ADCY5: variants seen among roughly 807,000 people sequenced by gnomAD.
The protein encoded by ADCY5 is adenylate cyclase 5, also known as adenylate cyclase type 5.
ADCY5 carries 30 observed loss-of-function variants against 119.7 expected under a neutral mutation model. That is an observed-to-expected ratio of 0.25 (90% confidence interval 0.19 to 0.34). The LOEUF (loss-of-function observed/expected upper bound fraction) is 0.34, where lower values mean the gene tolerates loss of function less well. Ranked by LOEUF, ADCY5 falls within the 10% of genes least tolerant of loss-of-function variation. The pLI, the probability that ADCY5 is intolerant of heterozygous loss-of-function variation, is 1.00. For synonymous variants in ADCY5, 753 were observed against 762.2 expected (o/e 0.99, Z 0.20); for missense variants, 1,324 against 1,775.2 (o/e 0.75, Z 4.57).
chr3:123,332,763 CT>C (rs894886812), intron 3 of ADCY5, 88 bp from the exon 4 acceptor site: 295 of 919,414 alleles, frequency 3.2e-4, no homozygotes, highest in Non-Finnish European at 3.8e-4. Context: ...TTTTTCTTTT[CT>C]TTTTTTTTAA....
chr3:123,384,260 C>T (rs1944139227), intron 1 of ADCY5, among the ~76,000 whole-genome samples: 1 of 152,212 alleles, frequency 6.6e-6, no homozygotes, highest in Admixed American at 6.5e-5. Flanking sequence ...CCTGCTGTCC[C>T]CTCTGACAAC....
At chr3:123,291,013 G>A (rs1451189069) in intron 18 of ADCY5, 100 bp downstream of exon 18, 15 of 1,436,230 alleles carry the variant, frequency 1.0e-5, no homozygotes, top group East Asian at 2.5e-5. Flanking sequence ...CTTATGTCAC[G>A]ATGGTAGAAG....
At chr3:123,375,317 T>C (rs1943787016) in intron 1 of ADCY5, among the ~76,000 whole-genome samples, 1 of 152,254 alleles carries the variant, frequency 6.6e-6, no homozygotes. Flanking sequence ...ACTCTCATTT[T>C]TCCTCAGTGG....
At chr3:123,401,763 G>C (rs1036057182) in intron 1 of ADCY5, among the ~76,000 whole-genome samples, 4 of 152,138 alleles carry the variant, frequency 2.6e-5, no homozygotes, top group Non-Finnish European at 5.9e-5. Context: ...TGAGACCTCT[G>C]CTCAGAGGTA....
chr3:123,371,904 G>A (rs553293264), intron 1 of ADCY5, among the ~76,000 whole-genome samples: 2 of 152,338 alleles, frequency 1.3e-5, no homozygotes, highest in South Asian at 4.1e-4. Context: ...GCAGGGGAGA[G>A]GGGAGTGAGG....
chr3:123,323,589 C>G (rs1941332710), intron 8 of ADCY5, among the ~76,000 whole-genome samples: 1 of 152,014 alleles, frequency 6.6e-6, no homozygotes, highest in Non-Finnish European at 1.5e-5. Flanking sequence ...TCAATGCCTC[C>G]TCTCTCTCGG....
At chr3:123,311,672 G>T (rs1940590631) in intron 12 of ADCY5, among the ~76,000 whole-genome samples, 1 of 152,178 alleles carries the variant, frequency 6.6e-6, no homozygotes, top group African/African-American at 2.4e-5. Flanking sequence ...CTATTCAATG[G>T]ATGGACCACC....
At chr3:123,392,512 G>T (rs1944426318) in intron 1 of ADCY5, among the ~76,000 whole-genome samples, 1 of 152,220 alleles carries the variant, frequency 6.6e-6, no homozygotes, top group Non-Finnish European at 1.5e-5. Flanking sequence ...GAGGCACAGA[G>T]ACCATCCCCA....
chr3:123,422,360 T>C (rs922022988), intron 1 of ADCY5, among the ~76,000 whole-genome samples: 11 of 152,192 alleles, frequency 7.2e-5, no homozygotes, highest in Admixed American at 5.9e-4. Context: ...GGAAGTCCCA[T>C]GGGCAGGGTG....
chr3:123,438,487 C>T (rs1245152906), intron 1 of ADCY5, among the ~76,000 whole-genome samples: 1 of 152,114 alleles, frequency 6.6e-6, no homozygotes, highest in South Asian at 2.1e-4. Context: ...TTAAACCGTG[C>T]ACCATTCTGA....
At chr3:123,338,676 T>C (rs916359160) in intron 3 of ADCY5, among the ~76,000 whole-genome samples, 3 of 152,224 alleles carry the variant, frequency 2.0e-5, no homozygotes, top group African/African-American at 7.2e-5. Flanking sequence ...GCTTCCCTAA[T>C]TGCCTGCCAT....
chr3:123,386,030 G>A (rs749259533), intron 1 of ADCY5, among the ~76,000 whole-genome samples: 2 of 152,154 alleles, frequency 1.3e-5, no homozygotes, highest in South Asian at 2.1e-4. Context: ...CCACAGGACC[G>A]TCAAAGAGGC....
chr3:123,445,342 C>A (rs928949109), intron 1 of ADCY5, among the ~76,000 whole-genome samples: 14 of 150,188 alleles, frequency 9.3e-5, no homozygotes, highest in African/African-American at 2.7e-4. Context: ...AATTGGGGCC[C>A]CCCCCAAGGC....
chr3:123,339,702 C>A (rs1358292924), intron 3 of ADCY5, among the ~76,000 whole-genome samples: 3 of 152,198 alleles, frequency 2.0e-5, no homozygotes, highest in African/African-American at 7.2e-5. Flanking sequence ...TAAGGGCCTC[C>A]TGCAGGCCCC....
chr3:123,325,436 C>T lies in ADCY5; in HGVS notation c.1974G>A (p.Lys658=), dbSNP rs770210708. ...KRKEEKAMIA[K]MNRQRTNSIG... is the part of the protein sequence containing the mutation. The stretch of plus-strand genomic sequence containing the variant: ...TGGAGTTGGTTCTCTGGCGGTTCAT[C>T]TTGGCGATCATGGCCTTCTCTTCTT... The change falls in exon 8 of 21, where the codon AAG becomes AAA. Residue 658 remains lysine, a synonymous_variant. Coordinates refer to ENST00000462833, the MANE Select transcript of ADCY5 (RefSeq NM_183357.3). 1.2e-6 allele frequency: 2 copies of T among 1,614,058 alleles called. No homozygotes were observed. Among genetic ancestry groups the T allele is most frequent in the East Asian group, 2.2e-5 (1 of 44,878 alleles).
At chr3:123,367,311 G>A (rs891022110) in intron 1 of ADCY5, among the ~76,000 whole-genome samples, 8 of 152,160 alleles carry the variant, frequency 5.3e-5, no homozygotes, top group African/African-American at 1.4e-4. Flanking sequence ...CTGGCATGGC[G>A]GGAGTACCTT....
At position 123,347,809 on chromosome 3, in the gene ADCY5, A is replaced by G; in HGVS notation, c.1379T>C (p.Ile460Thr). The G allele has an allele frequency of 6.2e-7, 1 of 1,613,880 alleles. No homozygotes were observed. The highest frequency in any genetic ancestry group is 1.1e-5 in the South Asian group (1 of 91,052). Residue 460 changes from isoleucine to threonine, a missense_variant, in exon 3 of 21, where the codon ATT (isoleucine) becomes ACT (threonine). Physicochemically the swap from Ile to Thr is moderately conservative, Grantham distance 89 (BLOSUM62 -1). Around this residue, in one of 6 missense-constraint regions of ADCY5, gnomAD observed 123 missense variants for 287.9 expected, o/e 0.43. Coordinates refer to ENST00000462833, the MANE Select transcript of ADCY5 (RefSeq NM_183357.3). ...CACGTTGTCATGTTTCTGGATGTAA[A>G]TCTTATGGAACATCATATCCTCCTG... ...AKQEDMMFHK[I>T]YIQKHDNVSI...
In ADCY5 at chr3:123,293,748, A is replaced by G. The variant is rs9857506; in HGVS notation, c.3063+2336T>C. 3.3e-3 allele frequency among the ~76,000 whole-genome samples: 504 copies of G among 152,320 alleles called. 7 individuals carry two copies. Among genetic ancestry groups the G allele is most frequent in the African/African-American group, 0.011 (451 of 41,576 alleles). On this transcript the variant is annotated intron_variant, in intron 17 of 20. Transcript: ENST00000462833. ...GAGGTAGTGGTATGAACTCAGGATTATTAAAAACAGATCTGTACAGATGGA... is the reference window on the plus strand; with the variant it reads ...GAGGTAGTGGTATGAACTCAGGATTGTTAAAAACAGATCTGTACAGATGGA...
At chr3:123,396,593 GA>G (rs1227824174) in intron 1 of ADCY5, among the ~76,000 whole-genome samples, 1 of 92,328 alleles carries the variant, frequency 1.1e-5, no homozygotes, top group African/African-American at 4.3e-5. Context: ...GAAAAGAGAA[GA>G]AAAAAGAGAG....
Sources: gnomAD v4.1 joint callset for allele counts (sites outside exome capture counted in the v4.1 genomes callset) on GRCh38, gnomAD v4.1.1 for gene constraint, gnomAD v4.1.1 regional missense constraint, MANE v1.5 for transcripts, NCBI Gene and HGNC (gene_info 2026-07-23, HGNC 2026-07-21) for gene names.